The following KBTBD12 variants were observed in gnomAD, a reference collection of about 807,000 sequenced individuals.
KBTBD12 encodes kelch repeat and BTB domain containing 12, also known as kelch repeat and BTB domain-containing protein 12.
In KBTBD12, 53 loss-of-function variants were observed where a neutral mutation model predicts 58.7. That is an observed-to-expected ratio of 0.90 (90% CI 0.72 to 1.14). KBTBD12 has a LOEUF of 1.14. Ranked by LOEUF, KBTBD12 falls within the 50% of genes most tolerant of loss-of-function variation. KBTBD12 has a pLI of 0.00. For missense variants in KBTBD12, 704 were observed against 751.3 expected (o/e 0.94, Z 0.74); for synonymous variants, 236 against 259.8 (o/e 0.91, Z 0.88).
At chr3:127,947,764 CT>C (rs776503290) in intron 4 of KBTBD12, among the ~76,000 whole-genome samples, 6 of 152,212 alleles carry the variant, frequency 3.9e-5, no homozygotes, top group African/African-American at 7.2e-5. Flanking sequence ...AAAAACCCCC[CT>C]GGTCTCTCTT....
intron 5 of KBTBD12, among the ~76,000 whole-genome samples, chr3:127,969,264 A>G (rs1940641438): frequency 6.6e-6 from 1 of 152,204 alleles, no homozygotes; most frequent in Non-Finnish European, 1.5e-5. Flanking sequence ...AAAAAATTGT[A>G]TTTCTATACA....
chr3:127,947,049 T>A (rs1940098907), intron 4 of KBTBD12, among the ~76,000 whole-genome samples: 1 of 152,192 alleles, frequency 6.6e-6, no homozygotes, highest in Admixed American at 6.5e-5. Flanking sequence ...TTTTTTTCTG[T>A]TTTCTTTATC....
At chr3:127,957,915 T>C (rs1940351098) in intron 4 of KBTBD12, among the ~76,000 whole-genome samples, 1 of 152,194 alleles carries the variant, frequency 6.6e-6, no homozygotes, top group African/African-American at 2.4e-5. Flanking sequence ...AAAGAGGGAA[T>C]GGCCAATTCT....
intron 4 of KBTBD12, among the ~76,000 whole-genome samples, chr3:127,932,530 T>C (rs1939728259): frequency 6.6e-6 from 1 of 152,134 alleles, no homozygotes; most frequent in South Asian, 2.1e-4. Flanking sequence ...CTATAATGGA[T>C]TTAATTTCTT....
intron 4 of KBTBD12, among the ~76,000 whole-genome samples, chr3:127,934,542 G>A (rs906296173): frequency 6.6e-6 from 1 of 152,108 alleles, no homozygotes; most frequent in Non-Finnish European, 1.5e-5. Context: ...ATTTGATGGG[G>A]AAACATTAAT....
intron 5 of KBTBD12, among the ~76,000 whole-genome samples, chr3:127,970,285 A>T (rs888278081): frequency 6.6e-6 from 1 of 152,196 alleles, no homozygotes; most frequent in African/African-American, 2.4e-5. Context: ...AATAACAAGT[A>T]TTGTCGAGGT....
rs76089704 is a variant in KBTBD12 at position 127,921,619 on chromosome 3, C to T, written c.-112-1331C>T. Among the ~76,000 whole-genome samples the T allele has an allele frequency of 5.9e-5, 9 of 152,184 alleles. No homozygotes were observed. In the East Asian group the frequency reaches 1.5e-3, roughly 26 times the overall value. ...TCAGTAAATTCATTTGGTCTATAAACCCCTAACAATTAGAGTAGCTTTCAG... is the reference window on the plus strand; with the variant it reads ...TCAGTAAATTCATTTGGTCTATAAATCCCTAACAATTAGAGTAGCTTTCAG... On this transcript the variant is annotated intron_variant, in intron 1 of 5. Transcript: ENST00000405109.
intron 1 of KBTBD12, among the ~76,000 whole-genome samples, chr3:127,916,255 GA>G (rs2107583170): frequency 6.6e-6 from 1 of 152,312 alleles, no homozygotes; most frequent in Non-Finnish European, 1.5e-5. Flanking sequence ...GGATTATTAT[GA>G]AATGAATCAG....
At chr3:127,936,762 G>A (rs761006519) in intron 4 of KBTBD12, among the ~76,000 whole-genome samples, 3 of 152,136 alleles carry the variant, frequency 2.0e-5, no homozygotes, top group Non-Finnish European at 4.4e-5. Flanking sequence ...ACTTCAAAGA[G>A]CTATAGCCTC....
chr3:127,968,540 T>C (rs1034853080), intron 5 of KBTBD12, among the ~76,000 whole-genome samples: 10 of 152,108 alleles, frequency 6.6e-5, no homozygotes, highest in Admixed American at 5.2e-4. Context: ...TCCAGCAACA[T>C]GCAAAAAGAA....
intron 4 of KBTBD12, among the ~76,000 whole-genome samples, chr3:127,935,087 C>T (rs1481344823): frequency 6.6e-6 from 1 of 152,070 alleles, no homozygotes; most frequent in Non-Finnish European, 1.5e-5. Flanking sequence ...TACAGATGCT[C>T]CTCAATTTAC....
chr3:127,936,337 G>C (rs1939830539), intron 4 of KBTBD12, among the ~76,000 whole-genome samples: 1 of 150,776 alleles, frequency 6.6e-6, no homozygotes, highest in African/African-American at 2.5e-5. Flanking sequence ...CTGCATTCTA[G>C]CCTAGGTGAC....
chr3:127,947,767 G>T (rs1430163538), intron 4 of KBTBD12, among the ~76,000 whole-genome samples: 2 of 152,106 alleles, frequency 1.3e-5, no homozygotes, highest in African/African-American at 4.8e-5. Context: ...AACCCCCCTG[G>T]TCTCTCTTTC....
intron 4 of KBTBD12, among the ~76,000 whole-genome samples, chr3:127,952,432 C>T (rs1429883065): frequency 6.6e-6 from 1 of 152,130 alleles, no homozygotes; most frequent in Non-Finnish European, 1.5e-5. Context: ...TTTTCCTCTC[C>T]TTCCCACTGC....
chr3:127,977,980 A>T (rs1940812453), intron 5 of KBTBD12, among the ~76,000 whole-genome samples: 1 of 152,162 alleles, frequency 6.6e-6, no homozygotes, highest in South Asian at 2.1e-4. Context: ...TAAATCTTTA[A>T]TCCATCTTGA....
At chr3:127,967,079 C>T (rs992765986) in intron 5 of KBTBD12, among the ~76,000 whole-genome samples, 2 of 152,144 alleles carry the variant, frequency 1.3e-5, no homozygotes, top group Admixed American at 6.5e-5. Context: ...TTTATCAGGA[C>T]ATGCTTCACC....
chr3:127,932,411 T>G (rs1215003497), intron 4 of KBTBD12, among the ~76,000 whole-genome samples: 1 of 152,198 alleles, frequency 6.6e-6, no homozygotes, highest in African/African-American at 2.4e-5. Context: ...CTTTCAGTCA[T>G]TCACATTATC....
chr3:127,948,974 A>G (rs1940146169), intron 4 of KBTBD12, among the ~76,000 whole-genome samples: 1 of 152,196 alleles, frequency 6.6e-6, no homozygotes, highest in South Asian at 2.1e-4. Context: ...AGTGCTCAAT[A>G]AATATTTCTG....
intron 4 of KBTBD12, among the ~76,000 whole-genome samples, chr3:127,961,832 C>T (rs541830949): frequency 6.6e-6 from 1 of 152,254 alleles, no homozygotes; most frequent in East Asian, 1.9e-4. Flanking sequence ...GGTGAAAATA[C>T]CACCTGACTG....
Sources: allele counts gnomAD v4.1 joint callset (sites outside exome capture counted in the v4.1 genomes callset), GRCh38; gene constraint gnomAD v4.1.1; transcripts MANE v1.5; gene names NCBI Gene and HGNC (gene_info 2026-07-23, HGNC 2026-07-21).